Variants in METTL8 observed in about 807,000 individuals in gnomAD.
METTL8 encodes methyltransferase 8, tRNA N3-cytidine.
A neutral mutation model predicts 48.7 loss-of-function variants in METTL8; 32 were observed. That is an observed-to-expected ratio of 0.66 (90% CI 0.50 to 0.88). METTL8 has a LOEUF of 0.88. METTL8 is among the 40% of genes least tolerant of loss of function. The pLI is 0.00. For missense variants in METTL8, 464 were observed against 474.4 expected, an observed-to-expected ratio of 0.98 and a Z score of 0.20; for synonymous variants, 136 against 157.1, an observed-to-expected ratio of 0.87 and a Z score of 1.01.
intron 2 of METTL8, among the ~76,000 whole-genome samples, chr2:171,378,024 G>T (rs1024961412): frequency 6.6e-6 from 1 of 152,044 alleles, no homozygotes; most frequent in Non-Finnish European, 1.5e-5. Flanking sequence ...CCAACAAGTG[G>T]ATCAACTAGT....
intron 3 of METTL8, among the ~76,000 whole-genome samples, chr2:171,354,877 G>A (rs1183066033): frequency 1.3e-5 from 2 of 151,888 alleles, no homozygotes; most frequent in African/African-American, 4.8e-5. Context: ...TTTTTTCAAG[G>A]TTTTTAGTTT....
chr2:171,341,933 G>A (rs571996547), intron 3 of METTL8, among the ~76,000 whole-genome samples: 2 of 151,984 alleles, frequency 1.3e-5, no homozygotes, highest in Admixed American at 6.6e-5. Flanking sequence ...GTTGCCTCTA[G>A]GGAGAGGAAA....
intron 3 of METTL8, among the ~76,000 whole-genome samples, chr2:171,341,327 C>CA (rs36083621): frequency 0.24 from 30,911 of 128,910 alleles, 3,496 homozygotes; most frequent in Non-Finnish European, 0.28. Flanking sequence ...GACTCCGTCT[C>CA]AAAAAAAAAA....
intron 2 of METTL8, among the ~76,000 whole-genome samples, chr2:171,380,822 C>A (rs1687449325): frequency 6.6e-6 from 1 of 152,170 alleles, no homozygotes; most frequent in Non-Finnish European, 1.5e-5. Context: ...GCCCATACTG[C>A]CCAAAGTAAT....
At chr2:171,412,066 A>G (rs1344979070) in intron 1 of METTL8, among the ~76,000 whole-genome samples, 1 of 152,216 alleles carries the variant, frequency 6.6e-6, no homozygotes, top group Non-Finnish European at 1.5e-5. Flanking sequence ...TTGACTGCAA[A>G]TAACAGAAGG....
intron 7 of METTL8, among the ~76,000 whole-genome samples, chr2:171,329,172 G>T (rs975640549): frequency 5.9e-5 from 9 of 151,274 alleles, no homozygotes; most frequent in African/African-American, 2.2e-4. Flanking sequence ...AGGTTTCACA[G>T]TAGAAACGAG....
intron 1 of METTL8, among the ~76,000 whole-genome samples, chr2:171,412,131 C>T (rs1690814900): frequency 6.6e-6 from 1 of 152,158 alleles, no homozygotes. Flanking sequence ...TAACTGAAAG[C>T]CCAAAGATTG....
intron 2 of METTL8, chr2:171,374,784 C>T (rs1574035667): frequency 1.6e-6 from 1 of 632,040 alleles, no homozygotes; most frequent in Non-Finnish European, 2.8e-6. Context: ...TTCTTTCACT[C>T]AGCATAATTA....
rs1181050279 is a variant in METTL8 at position 171,317,213 on chromosome 2, G to GA, written c.*6958_*6959insT. Among the ~76,000 whole-genome samples, 1 of 152,158 alleles carries GA rather than the reference G, an allele frequency of 6.6e-6. No homozygotes were observed. Among genetic ancestry groups the GA allele is most frequent in the Non-Finnish European group, 1.5e-5 (1 of 68,022 alleles). On this transcript the variant is annotated 3_prime_UTR_variant, in exon 10 of 10. Transcript: ENST00000375258. ...GCCCAAAGGGTGACTGTCCTCCAGT[G>GA]TTTTTTGAAACAACCAACACTTGAT... is the stretch of plus-strand genomic sequence containing the variant.
At chr2:171,327,726 T>C (rs1685097906) in intron 7 of METTL8, among the ~76,000 whole-genome samples, 1 of 152,114 alleles carries the variant, frequency 6.6e-6, no homozygotes, top group Admixed American at 6.6e-5. Flanking sequence ...AACTAGCACA[T>C]AAGGACATAA....
intron 1 of METTL8, among the ~76,000 whole-genome samples, chr2:171,407,618 T>C (rs1350075821): frequency 6.6e-6 from 1 of 152,188 alleles, no homozygotes; most frequent in Non-Finnish European, 1.5e-5. Flanking sequence ...CTGAAAGTCA[T>C]TATAATAGAT....
intron 4 of METTL8, 141 bp from the exon 5 acceptor site, chr2:171,337,643 T>A: frequency 1.6e-6 from 1 of 608,020 alleles, no homozygotes; most frequent in South Asian, 2.4e-5. Flanking sequence ...TCAAAAGCAA[T>A]GAAATAAATC....
chr2:171,354,431 T>C (rs956703701), intron 3 of METTL8, among the ~76,000 whole-genome samples: 4 of 152,168 alleles, frequency 2.6e-5, no homozygotes, highest in African/African-American at 9.7e-5. Context: ...CTGACAATTA[T>C]GTGTCTTGGA....
intron 1 of METTL8, among the ~76,000 whole-genome samples, chr2:171,405,845 G>A (rs1574164027): frequency 1.3e-5 from 2 of 152,232 alleles, no homozygotes; most frequent in East Asian, 3.9e-4. Flanking sequence ...AAGAGAAGAT[G>A]GCTAAGACAC....
At chr2:171,378,599 C>CA (rs1687207315) in intron 2 of METTL8, among the ~76,000 whole-genome samples, 1 of 151,780 alleles carries the variant, frequency 6.6e-6, no homozygotes, top group Non-Finnish European at 1.5e-5. Context: ...CCACTGCACT[C>CA]CAGCCTGGGT....
intron 7 of METTL8, among the ~76,000 whole-genome samples, chr2:171,327,339 C>T (rs1480404473): frequency 6.6e-6 from 1 of 152,168 alleles, no homozygotes; most frequent in Non-Finnish European, 1.5e-5. Flanking sequence ...TTCTGAGTGA[C>T]AGCATCGGCT....
intron 2 of METTL8, among the ~76,000 whole-genome samples, chr2:171,371,967 G>C (rs977230236): frequency 1.3e-5 from 2 of 151,928 alleles, no homozygotes; most frequent in Non-Finnish European, 2.9e-5. Flanking sequence ...GGGATTACAG[G>C]CATGAGTGAG....
Position 171,360,428 on chromosome 2 carries a change from C to G in METTL8, c.229G>C (p.Glu77Gln). 2 of 1,613,730 alleles carry G rather than the reference C, an allele frequency of 1.2e-6. No individual in the cohort carries two copies. The highest frequency in any genetic ancestry group is 1.7e-6 in the Non-Finnish European group (2 of 1,179,842). The part of the protein sequence containing the change: ...ENSAVRVLLE[E>Q]QVKYEREASK... ...ACAGCACGCAGTTGACTACCTTGCT[C>G]TTCCAGAAGGACTCGCACAGCTGAG... The change falls in exon 3 of 10, where the codon GAG becomes CAG. Residue 77 changes from glutamate to glutamine, a missense_variant. Coordinates refer to ENST00000375258, the MANE Select transcript of METTL8 (RefSeq NM_001321154.2).
chr2:171,384,369 C>T (rs559291270), intron 2 of METTL8, among the ~76,000 whole-genome samples: 18 of 151,888 alleles, frequency 1.2e-4, no homozygotes, highest in Middle Eastern at 3.4e-3. Context: ...AATTAGCTAG[C>T]CATGGTGACA....
Sources: allele counts gnomAD v4.1 joint callset (sites outside exome capture counted in the v4.1 genomes callset), GRCh38; gene constraint gnomAD v4.1.1; transcripts MANE v1.5; gene names NCBI Gene and HGNC (gene_info 2026-07-23, HGNC 2026-07-21).